Variants in WNT2B observed in about 807,000 individuals in gnomAD.
WNT2B encodes the protein Wnt family member 2B, also known as protein Wnt-2b.
A neutral mutation model predicts 40.5 loss-of-function variants in WNT2B; 19 were observed. That is an observed-to-expected ratio of 0.47 (90% CI 0.33 to 0.69). The LOEUF is 0.69. WNT2B is among the 30% of genes least tolerant of loss of function. The pLI, the probability that WNT2B is intolerant of heterozygous loss-of-function variation, is 0.02. For synonymous variants in WNT2B, 220 were observed against 211.9 expected (o/e 1.04, Z -0.33); for missense variants, 467 against 556.4 (o/e 0.84, Z 1.62).
intron 1 of WNT2B, among the ~76,000 whole-genome samples, chr1:112,490,204 C>T (rs528356649): frequency 1.3e-5 from 2 of 152,224 alleles, no homozygotes; most frequent in East Asian, 1.9e-4. Flanking sequence ...TAACTCGACT[C>T]TCTGCATGTG....
At chr1:112,506,199 G>A (rs906496840), upstream of WNT2B, among the ~76,000 whole-genome samples, 6 of 152,182 alleles carry the variant, frequency 3.9e-5, no homozygotes, top group South Asian at 4.2e-4. Flanking sequence ...GGGTCTCACC[G>A]TATTGACCAG....
intron 1 of WNT2B, among the ~76,000 whole-genome samples, chr1:112,467,992 A>T (rs1650755940): frequency 6.6e-6 from 1 of 152,088 alleles, no homozygotes; most frequent in Non-Finnish European, 1.5e-5. Context: ...TCTGGTATCT[A>T]TCATTCTATT....
chr1:112,523,439 A>C lies in WNT2B; in HGVS notation c.*2930A>C, dbSNP rs1454062369. 1 of 152,312 alleles carries C rather than the reference A, an allele frequency of 6.6e-6. No homozygotes were observed. Among genetic ancestry groups the C allele is most frequent in the East Asian group, 1.9e-4 (1 of 5,182 alleles). 9.4% of individuals were successfully genotyped at this position (152,312 alleles called of 1,614,324 possible). The stretch of plus-strand genomic sequence containing the variant: ...GGCCAAGCAATTAATTTTTCCTCCT[A>C]GTTCTTAGCTTGCTTCTGCATTGAT... On this transcript the variant is annotated 3_prime_UTR_variant, in exon 5 of 5. Transcript: ENST00000369684.
intron 1 of WNT2B, among the ~76,000 whole-genome samples, chr1:112,496,530 G>A (rs760063307): frequency 9.2e-5 from 14 of 152,094 alleles, no homozygotes; most frequent in African/African-American, 2.2e-4. Flanking sequence ...ATGAGCCCAC[G>A]AAACCAAACA....
intron 1 of WNT2B, among the ~76,000 whole-genome samples, chr1:112,494,559 A>G (rs1651709337): frequency 6.6e-6 from 1 of 151,336 alleles, no homozygotes; most frequent in Non-Finnish European, 1.5e-5. Flanking sequence ...TTTTGTAGAG[A>G]CAAAGTCTCT....
intron 1 of WNT2B, among the ~76,000 whole-genome samples, chr1:112,500,664 C>T (rs974002867): frequency 5.3e-5 from 8 of 151,816 alleles, no homozygotes; most frequent in African/African-American, 9.7e-5. Context: ...CCCAGCTAAT[C>T]GGGAGACTGA....
In WNT2B at chr1:112,488,422, A is replaced by C. The variant is rs137988198; in HGVS notation, c.-95+20831A>C. 4.8e-3 allele frequency among the ~76,000 whole-genome samples: 455 copies of C among 95,260 alleles called. 1 individual carries two copies. The highest frequency in any genetic ancestry group is 0.014 in the African/African-American group (430 of 30,406). 62.5% of individuals were successfully genotyped at this position (95,260 alleles called of 152,430 possible). On this transcript the variant is annotated intron_variant, in intron 1 of 4. Transcript: ENST00000256640. Reference sequence around the variant, plus strand: ...TGACAGGCAGTCAAAACCTTTGTTTATCTGATTAGATTGGCCTTCTTCCTT... The same window carrying C: ...TGACAGGCAGTCAAAACCTTTGTTTCTCTGATTAGATTGGCCTTCTTCCTT...
At chr1:112,503,866 A>G (rs1652032027) in intron 1 of WNT2B, among the ~76,000 whole-genome samples, 1 of 152,098 alleles carries the variant, frequency 6.6e-6, no homozygotes. Flanking sequence ...AGACCCAGGG[A>G]GATGGAGACT....
At chr1:112,482,986 A>G (rs542731894) in intron 1 of WNT2B, among the ~76,000 whole-genome samples, 7 of 152,278 alleles carry the variant, frequency 4.6e-5, no homozygotes, top group African/African-American at 1.2e-4. Flanking sequence ...GTCCAAAGCA[A>G]TCTTGAGCAA....
chr1:112,477,444 T>C (rs1651085687), intron 1 of WNT2B, among the ~76,000 whole-genome samples: 1 of 149,868 alleles, frequency 6.7e-6, no homozygotes, highest in Non-Finnish European at 1.5e-5. Flanking sequence ...ACTTCAAACA[T>C]GCAGACATCA....
At position 112,509,275 on chromosome 1, in the gene WNT2B, G is replaced by C. The variant is rs774022592; in HGVS notation, c.13G>C (p.Gly5Arg). ...TCTTCGGGGAGCTATGCTGAGACCG[G>C]GTGGTGCGGAGGAAGCTGCGCAGCT... MLRP[G>R]GAEEAAQLPL... Residue 5 changes from glycine (G) to arginine (R), a missense_variant, in exon 1 of 5, where the codon GGT (glycine) becomes CGT (arginine). Physicochemically the swap from Gly to Arg is moderately radical, Grantham distance 125. This residue lies in a region of WNT2B where 137 missense variants were observed against 117.7 expected (regional missense o/e 1.16). Coordinates refer to ENST00000369684, the MANE Select transcript of WNT2B (RefSeq NM_024494.3). This position sits in a 1 kb window ranked among gnomAD's most constrained non-coding sequence, Gnocchi z 4.2. 6.6e-5 allele frequency: 101 copies of C among 1,534,644 alleles called. No individual in the cohort carries two copies. The highest frequency in any genetic ancestry group is 8.0e-5 in the Non-Finnish European group (92 of 1,145,874).
intron 1 of WNT2B, among the ~76,000 whole-genome samples, chr1:112,476,263 A>G (rs1651050563): frequency 6.6e-6 from 1 of 152,236 alleles, no homozygotes; most frequent in South Asian, 2.1e-4. Context: ...AAGATGTAAC[A>G]TATCAATATT....
At chr1:112,470,538 A>G (rs746532642) in intron 1 of WNT2B, among the ~76,000 whole-genome samples, 4 of 152,200 alleles carry the variant, frequency 2.6e-5, no homozygotes, top group Non-Finnish European at 4.4e-5. Flanking sequence ...CAGTGAGTCA[A>G]GATCACGCCA....
intron 1 of WNT2B, among the ~76,000 whole-genome samples, chr1:112,490,545 A>T (rs1316498583): frequency 1.3e-5 from 2 of 149,774 alleles, no homozygotes; most frequent in Non-Finnish European, 3.0e-5. Context: ...GTTGGAGTGC[A>T]GAGGCAGGAT....
intron 1 of WNT2B, among the ~76,000 whole-genome samples, chr1:112,501,541 A>C (rs1026812779): frequency 1.3e-5 from 2 of 152,070 alleles, no homozygotes; most frequent in Non-Finnish European, 2.9e-5. Flanking sequence ...ATCAGCATGG[A>C]CTCATGGGTA....
At chr1:112,481,175 A>C (rs1283136478) in intron 1 of WNT2B, among the ~76,000 whole-genome samples, 1 of 152,140 alleles carries the variant, frequency 6.6e-6, no homozygotes, top group Admixed American at 6.5e-5. Flanking sequence ...GTCTCAAAAA[A>C]AAAAAAAAAT....
At chr1:112,479,014 A>C (rs552387371) in intron 1 of WNT2B, among the ~76,000 whole-genome samples, 5 of 152,244 alleles carry the variant, frequency 3.3e-5, no homozygotes, top group Admixed American at 2.6e-4. Context: ...TCAGGTCAGG[A>C]GTTTGAGACC....
chr1:112,481,485 GA>G (rs1450967276), intron 1 of WNT2B, among the ~76,000 whole-genome samples: 1 of 152,152 alleles, frequency 6.6e-6, no homozygotes, highest in African/African-American at 2.4e-5. Context: ...TTCCTTCTAA[GA>G]TCTGGTACAA....
At chr1:112,516,086 G>A in intron 2 of WNT2B, 54 bp from the exon 3 acceptor site, 1 of 1,560,170 alleles carries the variant, frequency 6.4e-7, no homozygotes, top group East Asian at 2.3e-5. Context: ...GGCTGAAGAA[G>A]GGGACAGACA....
Sources: allele counts gnomAD v4.1 joint callset (sites outside exome capture counted in the v4.1 genomes callset), GRCh38; gene constraint gnomAD v4.1.1; regional missense constraint gnomAD v4.1.1; non-coding constraint Gnocchi (gnomAD v3.1); transcripts MANE v1.5; gene names NCBI Gene and HGNC (gene_info 2026-07-23, HGNC 2026-07-21).